The following GCN1 variants were observed in gnomAD, a reference collection of about 807,000 sequenced individuals.
The protein encoded by GCN1 is stalled ribosome sensor GCN1.
In GCN1, 90 loss-of-function variants were observed where a neutral mutation model predicts 288.4. That is an observed-to-expected ratio of 0.31 (90% CI 0.26 to 0.37). The LOEUF (loss-of-function observed/expected upper bound fraction) is 0.37, where lower values mean the gene tolerates loss of function less well. Among genes scored for constraint, GCN1 ranks in the 10% least tolerant of loss-of-function variants. The pLI is 1.00. For missense variants in GCN1, 2,586 were observed against 3,419.9 expected, an observed-to-expected ratio of 0.76 and a Z score of 6.08; for synonymous variants, 1,386 against 1,420.2, an observed-to-expected ratio of 0.98 and a Z score of 0.54.
At chr12:120,190,628 C>T (rs994356661) in intron 1 of GCN1, among the ~76,000 whole-genome samples, 8 of 152,120 alleles carry the variant, frequency 5.3e-5, no homozygotes, top group Non-Finnish European at 1.0e-4. Context: ...TCCCCACCCG[C>T]CCCAGTTGTG....
At chr12:120,190,500 TG>T (rs969407082) in intron 1 of GCN1, 100 bp from the exon 2 acceptor site, 1 of 732,518 alleles carries the variant, frequency 1.4e-6, no homozygotes, top group Non-Finnish European at 2.4e-6. Flanking sequence ...CTCTCTAACC[TG>T]GGGTTTCTCA....
intron 18 of GCN1, 110 bp from the exon 19 acceptor site, chr12:120,163,369 G>A (rs909837551): frequency 3.7e-6 from 3 of 815,556 alleles, no homozygotes; most frequent in Middle Eastern, 2.4e-4. Context: ...CTTCCCTGGG[G>A]TCCTTGCTGG....
rs1877769223 is a variant in GCN1, at chr12:120,157,001, G to C, written c.3088-9C>G. ...AGCAACTCCGGGCCATTCTAGGAGAGAACGGCAGGTAAGTCGAGATGAGGC... is the reference window on the plus strand; with the variant it reads ...AGCAACTCCGGGCCATTCTAGGAGACAACGGCAGGTAAGTCGAGATGAGGC... On this transcript the variant is annotated splice_polypyrimidine_tract_variant and intron_variant, in intron 26 of 57. Transcript: ENST00000300648. 8 of 1,604,128 alleles carry C rather than the reference G, an allele frequency of 5.0e-6. No homozygotes were observed. The East Asian group carries it at 1.6e-4, about 31-fold the overall frequency.
intron 22 of GCN1, among the ~76,000 whole-genome samples, chr12:120,160,605 C>A (rs575843519): frequency 6.6e-6 from 1 of 152,360 alleles, no homozygotes; most frequent in African/African-American, 2.4e-5. Context: ...TCCTCTCCAA[C>A]CCCTTCCTAC....
At chr12:120,138,569 G>T in intron 46 of GCN1, 126 bp downstream of exon 46, 1 of 1,076,922 alleles carries the variant, frequency 9.3e-7, no homozygotes, top group Non-Finnish European at 1.4e-6. Context: ...GTCTGATCTT[G>T]CTATACCCAC....
rs1594271726 is a variant in GCN1, at chr12:120,155,077, C to G, written c.3631-37G>C. On this transcript the variant is annotated intron_variant, in intron 30 of 57. Transcript: ENST00000300648. The surrounding 1 kb of genome is among the most constrained non-coding windows in gnomAD (Gnocchi z 4.9). ...AAGTTGGTAAATGCTTTGCAACGGG[C>G]AGATCAATGACCTGGGCACCAGGAT... 1 of 1,580,882 alleles carries G rather than the reference C, an allele frequency of 6.3e-7. No homozygotes were observed. The highest frequency in any genetic ancestry group is 8.7e-7 in the Non-Finnish European group (1 of 1,149,644).
intron 45 of GCN1, among the ~76,000 whole-genome samples, chr12:120,139,191 T>C (rs951734236): frequency 6.6e-6 from 1 of 151,436 alleles, no homozygotes; most frequent in African/African-American, 2.4e-5. Context: ...ACACCTGTAA[T>C]CCCAGCTACA....
intron 18 of GCN1, 24 bp from the exon 19 acceptor site, chr12:120,163,283 T>A: frequency 6.3e-7 from 1 of 1,587,390 alleles, no homozygotes; most frequent in Non-Finnish European, 8.7e-7. Context: ...CATGAGATAA[T>A]ACTGCTAAGA....
rs1877218945 is a variant in GCN1 at position 120,142,187 on chromosome 12, G to A, written c.5829+320C>T. On this transcript the variant is annotated intron_variant, in intron 44 of 57. Coordinates refer to ENST00000300648, the MANE Select transcript of GCN1 (RefSeq NM_006836.2). The surrounding 1 kb of genome is among the most constrained non-coding windows in gnomAD (Gnocchi z 4.9). The stretch of plus-strand genomic sequence containing the variant: ...TAAAAATATAAAAAAATGGCCAGGT[G>A]TGGTGGTGGATGCCTGTAGTCCCAG... 6.6e-6 allele frequency among the ~76,000 whole-genome samples: 1 copy of A among 152,076 alleles called. No homozygotes were observed. The highest frequency in any genetic ancestry group is 2.1e-4 in the South Asian group (1 of 4,814).
intron 44 of GCN1, 59 bp from the exon 45 acceptor site, chr12:120,141,082 G>A (rs1877176216): frequency 3.4e-6 from 5 of 1,463,902 alleles, no homozygotes; most frequent in Middle Eastern, 1.8e-4. Context: ...GCACCCAGAG[G>A]AGGACTCCAG....
intron 16 of GCN1, among the ~76,000 whole-genome samples, chr12:120,167,362 A>G (rs993303881): frequency 6.6e-6 from 1 of 151,842 alleles, no homozygotes; most frequent in Non-Finnish European, 1.5e-5. Context: ...CAAAAAAAAA[A>G]AAAAAAAAAA....
intron 31 of GCN1, among the ~76,000 whole-genome samples, 162 bp from the exon 32 acceptor site, chr12:120,154,071 G>A (rs1401357857): frequency 6.6e-6 from 1 of 152,214 alleles, no homozygotes; most frequent in African/African-American, 2.4e-5. Flanking sequence ...CTCACCCAAT[G>A]TTCTGGAACA....
intron 16 of GCN1, among the ~76,000 whole-genome samples, chr12:120,167,172 T>G (rs904579707): frequency 1.0e-4 from 15 of 150,242 alleles, no homozygotes; most frequent in Non-Finnish European, 1.3e-4. Flanking sequence ...AAACCCCATC[T>G]CTACTAAGAA....
chr12:120,131,504 A>C (rs1308324637), intron 54 of GCN1, among the ~76,000 whole-genome samples, 171 bp from the exon 55 acceptor site: 15 of 152,220 alleles, frequency 9.9e-5, no homozygotes, highest in Non-Finnish European at 1.9e-4. Flanking sequence ...AAGCTCCCCA[A>C]AGTGGCACAT....
intron 20 of GCN1, among the ~76,000 whole-genome samples, chr12:120,162,587 AAGAG>A (rs1169417463): frequency 6.6e-6 from 1 of 152,234 alleles, no homozygotes; most frequent in Admixed American, 6.5e-5. Flanking sequence ...GGGACAGAGT[AAGAG>A]AGACATCACC....
chr12:120,160,237 CT>C lies in GCN1; in HGVS notation c.2454del (p.Gly819AlafsTer8). 1 of 1,611,426 alleles carries C rather than the reference CT, an allele frequency of 6.2e-7. No individual in the cohort carries two copies. The highest frequency in any genetic ancestry group is 8.5e-7 in the Non-Finnish European group (1 of 1,179,156). On this transcript the variant is annotated frameshift_variant, in exon 23 of 58. Transcript: ENST00000300648. LOFTEE classifies it high-confidence loss of function. ...LELKEEIKKK[K>X]GIKEEVQLTS... The stretch of plus-strand genomic sequence containing the variant: ...GTCAGCTGCACCTCCTCTTTGATGC[CT>C]TTCTTCTTCTTTATCTCCTAAAGAG...
At chr12:120,187,255 C>T (rs1171709349) in intron 2 of GCN1, among the ~76,000 whole-genome samples, 6 of 151,464 alleles carry the variant, frequency 4.0e-5, no homozygotes, top group Non-Finnish European at 7.4e-5. Flanking sequence ...TCTTGTTACC[C>T]AGGCTGGAGT....
chr12:120,145,388 G>T, intron 38 of GCN1, 58 bp from the exon 39 acceptor site: 1 of 1,319,400 alleles, frequency 7.6e-7, no homozygotes, highest in Non-Finnish European at 1.0e-6. Context: ...CTCCAGGCCT[G>T]TTCCACTGTG....
chr12:120,156,487 C>T lies in GCN1; in HGVS notation c.3286G>A (p.Ala1096Thr). 1 of 1,614,038 alleles carries T rather than the reference C, an allele frequency of 6.2e-7. No individual in the cohort carries two copies. Among genetic ancestry groups the T allele is most frequent in the Non-Finnish European group, 8.5e-7 (1 of 1,179,978 alleles). Reference sequence around the variant, plus strand: ...CGGAGCACGGTTTCCCGCACGCTGGCACACGGGGACTGCAAGGCACAGAGC... The same window carrying T: ...CGGAGCACGGTTTCCCGCACGCTGGTACACGGGGACTGCAAGGCACAGAGC... ...VLLCALQSPC[A>T]SVRETVLRGL... Residue 1096 changes from alanine to threonine, a missense_variant, in exon 28 of 58, where the codon GCC (alanine) becomes ACC (threonine). Around this residue, in one of 8 missense-constraint regions of GCN1, gnomAD observed 332 missense variants for 403.0 expected, o/e 0.82. Coordinates refer to ENST00000300648, the MANE Select transcript of GCN1 (RefSeq NM_006836.2). This position sits in a 1 kb window ranked among gnomAD's most constrained non-coding sequence, Gnocchi z 5.8.
Sources: allele counts gnomAD v4.1 joint callset (sites outside exome capture counted in the v4.1 genomes callset), GRCh38; gene constraint gnomAD v4.1.1; regional missense constraint gnomAD v4.1.1; non-coding constraint Gnocchi (gnomAD v3.1); transcripts MANE v1.5; gene names NCBI Gene and HGNC (gene_info 2026-07-23, HGNC 2026-07-21).